Variants in DIAPH3 observed in about 807,000 individuals in gnomAD.
The protein encoded by DIAPH3 is protein diaphanous homolog 3.
In DIAPH3, 117 loss-of-function variants were observed where a neutral mutation model predicts 144.3. The observed-to-expected ratio is 0.81, with a 90% CI of 0.70 to 0.95. The LOEUF (loss-of-function observed/expected upper bound fraction) is 0.95, where lower values mean the gene tolerates loss of function less well. Ranked by LOEUF, DIAPH3 falls within the 40% of genes least tolerant of loss-of-function variation. The pLI is 0.00. For missense variants in DIAPH3, 1,421 were observed against 1,412.7 expected (o/e 1.01, Z -0.09); for synonymous variants, 519 against 488.9 (o/e 1.06, Z -0.81).
intron 3 of DIAPH3, among the ~76,000 whole-genome samples, chr13:60,098,626 T>C (rs139465944): frequency 1.8e-3 from 275 of 151,646 alleles, no homozygotes; most frequent in African/African-American, 6.1e-3. Context: ...AGAATAAATA[T>C]AGAAACACAT....
rs192655887 is a variant in DIAPH3 at position 59,838,440 on chromosome 13, C to T, written c.2862+884G>A. The T allele has an allele frequency of 1.0e-3, 149 of 149,734 alleles. 1 individual carries two copies. The highest frequency in any genetic ancestry group is 3.4e-3 in the African/African-American group (138 of 40,682). 9.3% of individuals were successfully genotyped at this position (149,734 alleles called of 1,614,324 possible). On this transcript the variant is annotated intron_variant, in intron 23 of 27. Coordinates refer to ENST00000400324, the MANE Select transcript of DIAPH3 (RefSeq NM_001042517.2). ...TGTATGTATATACACACATACATAC[C>T]GATTTATTTGGGTTAGGAAAATATC... is the stretch of plus-strand genomic sequence containing the variant.
At chr13:60,143,317 T>C (rs1775844455) in intron 1 of DIAPH3, among the ~76,000 whole-genome samples, 1 of 152,154 alleles carries the variant, frequency 6.6e-6, no homozygotes, top group African/African-American at 2.4e-5. Flanking sequence ...CAGCCTCGGC[T>C]CTGGGATAAG....
At chr13:59,729,627 A>C (rs1215262647) in intron 27 of DIAPH3, among the ~76,000 whole-genome samples, 1 of 151,980 alleles carries the variant, frequency 6.6e-6, no homozygotes, top group Non-Finnish European at 1.5e-5. Flanking sequence ...CTATATACAA[A>C]TACATAACCC....
At chr13:59,813,683 G>A (rs142108609) in intron 24 of DIAPH3, among the ~76,000 whole-genome samples, 289 of 151,776 alleles carry the variant, frequency 1.9e-3, no homozygotes, top group African/African-American at 6.5e-3. Context: ...GTGAAACCCC[G>A]TCTCTACTAA....
At chr13:59,697,443 G>C (rs566994760) in intron 27 of DIAPH3, among the ~76,000 whole-genome samples, 1 of 100,114 alleles carries the variant, frequency 1.0e-5, no homozygotes, top group Non-Finnish European at 1.8e-5. Flanking sequence ...CTGGGCGACA[G>C]AGCGAGACAC....
intron 27 of DIAPH3, among the ~76,000 whole-genome samples, chr13:59,751,315 A>G (rs775081931): frequency 6.6e-6 from 1 of 152,256 alleles, no homozygotes; most frequent in African/African-American, 2.4e-5. Flanking sequence ...ATCATCTTTA[A>G]GTTTAATTAA....
chr13:60,113,249 T>C (rs9570258), intron 2 of DIAPH3, among the ~76,000 whole-genome samples: 12,436 of 152,184 alleles, frequency 0.082, 697 homozygotes, highest in East Asian at 0.29. Flanking sequence ...GTGGCCAGCA[T>C]ACTAATACAT....
chr13:60,147,656 A>C (rs1951593564), intron 1 of DIAPH3, among the ~76,000 whole-genome samples: 3 of 152,248 alleles, frequency 2.0e-5, no homozygotes. Flanking sequence ...GCTTGTAAAA[A>C]TACATTGCAA....
At position 60,074,517 on chromosome 13, in the gene DIAPH3, G is replaced by C. The variant is rs1401127001; in HGVS notation, c.495+19111C>G. Reference sequence around the variant, plus strand: ...TGTGTGTCAAAAAATACTATCCTGAGATATGCAAAAATACCACAATAAAAA... The same window carrying C: ...TGTGTGTCAAAAAATACTATCCTGACATATGCAAAAATACCACAATAAAAA... On this transcript the variant is annotated intron_variant, in intron 4 of 27. Coordinates refer to ENST00000400324, the MANE Select transcript of DIAPH3 (RefSeq NM_001042517.2). Among the ~76,000 whole-genome samples the C allele has an allele frequency of 2.0e-5, 3 of 152,080 alleles. No homozygotes were observed. In the East Asian group the frequency reaches 5.8e-4, roughly 29 times the overall value.
Position 59,802,498 on chromosome 13 carries a change from CATT to C in DIAPH3, c.3163+8287_3163+8289del, listed in dbSNP as rs535779612. Among the ~76,000 whole-genome samples, 288 of 148,390 alleles carry C rather than the reference CATT, an allele frequency of 1.9e-3. 1 individual carries two copies. Among genetic ancestry groups the C allele is most frequent in the Non-Finnish European group, 3.5e-3 (233 of 67,302 alleles). On this transcript the variant is annotated intron_variant, in intron 25 of 27. Coordinates refer to ENST00000400324, the MANE Select transcript of DIAPH3 (RefSeq NM_001042517.2). ...CAATTTTATCAAAATAACAATAACTCATTATTTTTCAACACAGACTGGTCATTT... is the reference window on the plus strand; with the variant it reads ...CAATTTTATCAAAATAACAATAACTCATTTTTCAACACAGACTGGTCATTT...
At chr13:60,077,570 T>A (rs2057419023) in intron 4 of DIAPH3, among the ~76,000 whole-genome samples, 1 of 152,094 alleles carries the variant, frequency 6.6e-6, no homozygotes, top group South Asian at 2.1e-4. Context: ...TTTATCAATT[T>A]CAGAGTACTC....
intron 17 of DIAPH3, among the ~76,000 whole-genome samples, chr13:59,964,184 C>A (rs2049924360): frequency 1.3e-5 from 2 of 152,038 alleles, no homozygotes; most frequent in South Asian, 4.2e-4. Context: ...ACGGACACAC[C>A]ACTAAGAACT....
In DIAPH3 at chr13:59,863,469, A is replaced by G. The variant is rs145111450; in HGVS notation, c.2608-1933T>C. On this transcript the variant is annotated intron_variant, in intron 21 of 27. Coordinates refer to ENST00000400324, the MANE Select transcript of DIAPH3 (RefSeq NM_001042517.2). ...CAACCTCACTAAATATTCTATCACT[A>G]TCAGAAAAATACCAAATAACTGTTA... is the stretch of plus-strand genomic sequence containing the variant. Among the ~76,000 whole-genome samples the G allele has an allele frequency of 3.9e-3, 600 of 152,266 alleles. 5 individuals carry two copies. The highest frequency in any genetic ancestry group is 0.014 in the African/African-American group (583 of 41,560).
At chr13:59,937,603 A>T (rs2048326623) in intron 17 of DIAPH3, among the ~76,000 whole-genome samples, 1 of 152,214 alleles carries the variant, frequency 6.6e-6, no homozygotes, top group African/African-American at 2.4e-5. Flanking sequence ...GAACACAATC[A>T]TCAAAACAGC....
chr13:59,787,438 A>G (rs544159519), intron 25 of DIAPH3, among the ~76,000 whole-genome samples: 1 of 152,246 alleles, frequency 6.6e-6, no homozygotes, highest in African/African-American at 2.4e-5. Flanking sequence ...CAAATAGGAC[A>G]GGTACAGTGG....
intron 21 of DIAPH3, among the ~76,000 whole-genome samples, chr13:59,873,210 C>G (rs1158123652): frequency 6.6e-6 from 1 of 152,170 alleles, no homozygotes; most frequent in African/African-American, 2.4e-5. Context: ...CCCATAACTG[C>G]TTTACTTTCA....
At chr13:59,859,607 T>C (rs970979175) in intron 22 of DIAPH3, among the ~76,000 whole-genome samples, 18 of 152,204 alleles carry the variant, frequency 1.2e-4, no homozygotes, top group African/African-American at 4.3e-4. Flanking sequence ...GTACCTACCA[T>C]GTTTTCATCC....
At chr13:59,897,478 G>A (rs111228081) in intron 20 of DIAPH3, among the ~76,000 whole-genome samples, 37 of 151,824 alleles carry the variant, frequency 2.4e-4, no homozygotes, top group Admixed American at 2.2e-3. Flanking sequence ...GGCCGGGCAC[G>A]GTGGCTCACG....
intron 5 of DIAPH3, among the ~76,000 whole-genome samples, chr13:60,024,757 C>G (rs1279777560): frequency 6.6e-6 from 1 of 152,178 alleles, no homozygotes; most frequent in African/African-American, 2.4e-5. Context: ...TCCTATGACA[C>G]AGCTCCAGTG....
Sources: allele counts gnomAD v4.1 joint callset (sites outside exome capture counted in the v4.1 genomes callset), GRCh38; gene constraint gnomAD v4.1.1; transcripts MANE v1.5; gene names NCBI Gene and HGNC (gene_info 2026-07-23, HGNC 2026-07-21).